Variants in SMCHD1 observed in about 807,000 individuals in gnomAD.
The protein encoded by SMCHD1 is structural maintenance of chromosomes flexible hinge domain-containing protein 1.
Under a neutral mutation model 254.7 loss-of-function variants are expected in SMCHD1, and 78 were observed. The observed-to-expected ratio is 0.31, with a 90% CI of 0.26 to 0.37. The LOEUF (loss-of-function observed/expected upper bound fraction) is 0.37, where lower values mean the gene tolerates loss of function less well. Among genes scored for constraint, SMCHD1 ranks in the 10% least tolerant of loss-of-function variants. The pLI, the probability that SMCHD1 is intolerant of heterozygous loss-of-function variation, is 1.00. For missense variants in SMCHD1, 1,840 were observed against 2,408.1 expected (o/e 0.76, Z 4.94); for synonymous variants, 766 against 794.9 (o/e 0.96, Z 0.61).
intron 1 of SMCHD1, among the ~76,000 whole-genome samples, chr18:2,660,927 A>G (rs905362002): frequency 6.6e-6 from 1 of 152,208 alleles, no homozygotes; most frequent in Non-Finnish European, 1.5e-5. Flanking sequence ...TGGGACCAAC[A>G]CAAATGCCTA....
chr18:2,690,396 T>G (rs1439367651), intron 7 of SMCHD1, among the ~76,000 whole-genome samples: 1 of 152,238 alleles, frequency 6.6e-6, no homozygotes, highest in African/African-American at 2.4e-5. Context: ...GATGAGTATC[T>G]TTGCATAACA....
intron 3 of SMCHD1, chr18:2,673,008 T>TTAA: frequency 1.1e-6 from 1 of 915,418 alleles, no homozygotes; most frequent in Non-Finnish European, 1.3e-6. Context: ...TCTGTATGTC[T>TTAA]GTCTTTAGAT....
At chr18:2,796,580 A>G (rs1396200113) in intron 47 of SMCHD1, 59 bp downstream of exon 47, 2 of 1,122,514 alleles carry the variant, frequency 1.8e-6, no homozygotes, top group Non-Finnish European at 2.6e-6. Flanking sequence ...CTTGGGTCTC[A>G]TGATAGCTTT....
chr18:2,796,285 A>G, intron 46 of SMCHD1, 122 bp from the exon 47 acceptor site: 1 of 818,584 alleles, frequency 1.2e-6, no homozygotes, highest in South Asian at 1.9e-5. Flanking sequence ...CAGAAGTAAT[A>G]GGCATTCTCA....
chr18:2,748,343 TG>T (rs1488715421), intron 30 of SMCHD1, among the ~76,000 whole-genome samples: 180 of 5,038 alleles, frequency 0.036, no homozygotes, highest in African/African-American at 0.051. Flanking sequence ...TTTGCAAAGT[TG>T]TGTGTGTGTG....
rs995883474 is a variant in SMCHD1, at chr18:2,747,783, A to G, written c.3927+136A>G. 8 of 788,090 alleles carry G rather than the reference A, an allele frequency of 1.0e-5. No homozygotes were observed. In the African/African-American group the frequency reaches 1.2e-4, roughly 12 times the overall value. 48.8% of individuals were successfully genotyped at this position (788,090 alleles called of 1,614,324 possible). A position where few individuals can be genotyped will look rare whatever the true frequency, so the allele number is the denominator to read the frequency against. ...CTTTATTATTGCTTAGTGTAAATAA[A>G]CCTCAAAAATTTTTAAAATTATTTT... On this transcript the variant is annotated intron_variant, in intron 30 of 47. Coordinates refer to ENST00000320876, the MANE Select transcript of SMCHD1 (RefSeq NM_015295.3).
chr18:2,774,973 G>A (rs1206952540), intron 41 of SMCHD1, among the ~76,000 whole-genome samples: 2 of 148,538 alleles, frequency 1.3e-5, no homozygotes, highest in Non-Finnish European at 3.0e-5. Context: ...CTGAGGGAAA[G>A]AAAAAGAATA....
In SMCHD1 at chr18:2,748,380, G is replaced by GTGTGTGTGTGTATATA. The variant is rs561439889; in HGVS notation, c.3927+736_3927+737insGTGTGTGTATATATGT. Among the ~76,000 whole-genome samples, 90 of 80,242 alleles carry GTGTGTGTGTGTATATA rather than the reference G, an allele frequency of 1.1e-3. 3 individuals carry two copies. Among genetic ancestry groups the GTGTGTGTGTGTATATA allele is most frequent in the African/African-American group, 5.2e-3 (76 of 14,554 alleles). The allele number at this position is 80,242 out of a possible 152,430, so 52.6% of individuals were successfully genotyped here. The stretch of plus-strand genomic sequence containing the variant: ...TGTGTGTGTGTGTGTGTGTGTGTGT[G>GTGTGTGTGTGTATATA]TGTATATAAATTTTTTTTTTTTTTT... On this transcript the variant is annotated intron_variant, in intron 30 of 47. Transcript: ENST00000320876.
chr18:2,679,668 G>A (rs899228900), intron 5 of SMCHD1, among the ~76,000 whole-genome samples: 66 of 151,908 alleles, frequency 4.3e-4, no homozygotes, highest in African/African-American at 1.5e-3. Context: ...TTTTGTCTCT[G>A]GCTTTTGACA....
intron 8 of SMCHD1, among the ~76,000 whole-genome samples, chr18:2,694,919 C>T (rs1271727961): frequency 6.6e-6 from 1 of 152,134 alleles, no homozygotes; most frequent in Non-Finnish European, 1.5e-5. Context: ...ATTTGAGGCA[C>T]AGGATTTTGA....
intron 17 of SMCHD1, among the ~76,000 whole-genome samples, chr18:2,708,953 A>G (rs1456357457): frequency 1.5e-5 from 2 of 133,106 alleles, no homozygotes; most frequent in African/African-American, 2.8e-5. Flanking sequence ...GTACATTCAT[A>G]TTGTTGTGCA....
At position 2,732,499 on chromosome 18, in the gene SMCHD1, ATC is replaced by A; in HGVS notation, c.3276+11_3276+12del. ...TTTAGCAGAAAAAATTAAAGTAAGT[ATC>A]TCTAACAGATTGGTTATTTGTAAGA... On this transcript the variant is annotated splice_region_variant and intron_variant, in intron 25 of 47. Transcript: ENST00000320876. The A allele has an allele frequency of 6.5e-7, 1 of 1,532,506 alleles. No individual in the cohort carries two copies. The highest frequency in any genetic ancestry group is 8.9e-7 in the Non-Finnish European group (1 of 1,118,592). 94.9% of individuals were successfully genotyped at this position (1,532,506 alleles called of 1,614,324 possible). A position where few individuals can be genotyped will look rare whatever the true frequency, so the allele number is the denominator to read the frequency against.
intron 45 of SMCHD1, among the ~76,000 whole-genome samples, chr18:2,785,185 AC>A (rs1415932154): frequency 6.6e-6 from 1 of 152,158 alleles, no homozygotes; most frequent in Non-Finnish European, 1.5e-5. Flanking sequence ...GCATATACTT[AC>A]CAGGAAGTCT....
chr18:2,780,099 C>T (rs1188462927), intron 44 of SMCHD1, among the ~76,000 whole-genome samples: 7 of 151,590 alleles, frequency 4.6e-5, no homozygotes, highest in African/African-American at 1.5e-4. Context: ...ATTAGCCAGG[C>T]GTGGTGGCAG....
intron 37 of SMCHD1, among the ~76,000 whole-genome samples, chr18:2,766,289 G>A (rs553757579): frequency 7.2e-5 from 11 of 152,294 alleles, no homozygotes; most frequent in East Asian, 1.9e-4. Context: ...CGCCGTGCCC[G>A]GCCTGTCTCC....
At chr18:2,679,428 A>G (rs1164311127) in intron 5 of SMCHD1, among the ~76,000 whole-genome samples, 3 of 131,958 alleles carry the variant, frequency 2.3e-5, no homozygotes, top group Non-Finnish European at 4.7e-5. Flanking sequence ...GTGAGCCGAG[A>G]TGGTGCCACT....
At chr18:2,777,242 C>T (rs938795799) in intron 42 of SMCHD1, among the ~76,000 whole-genome samples, 17 of 152,198 alleles carry the variant, frequency 1.1e-4, no homozygotes, top group Admixed American at 7.2e-4. Context: ...CTGGTATTCT[C>T]CCTCTTACTG....
Position 2,740,274 on chromosome 18 carries a change from T to C in SMCHD1, c.3515-429T>C, listed in dbSNP as rs189457414. 1.5e-3 allele frequency among the ~76,000 whole-genome samples: 226 copies of C among 152,326 alleles called. 1 individual carries two copies. Among genetic ancestry groups the C allele is most frequent in the African/African-American group, 5.3e-3 (222 of 41,568 alleles). ...CAAAGGACATGAACTCATCATTTTT[T>C]ATGGCTGCATAGTATTCCATGGTGT... On this transcript the variant is annotated intron_variant, in intron 27 of 47. Coordinates refer to ENST00000320876, the MANE Select transcript of SMCHD1 (RefSeq NM_015295.3).
chr18:2,696,266 CAA>C (rs1188664458), intron 8 of SMCHD1, among the ~76,000 whole-genome samples: 1 of 152,122 alleles, frequency 6.6e-6, no homozygotes, highest in Non-Finnish European at 1.5e-5. Flanking sequence ...CAGGGGTCCC[CAA>C]CGCCCCGGTC....
Sources: gnomAD v4.1 joint callset for allele counts (sites outside exome capture counted in the v4.1 genomes callset) on GRCh38, gnomAD v4.1.1 for gene constraint, MANE v1.5 for transcripts, NCBI Gene and HGNC (gene_info 2026-07-23, HGNC 2026-07-21) for gene names.